Variants in WDR49 observed in about 807,000 individuals in gnomAD.
WDR49 encodes cilia- and flagella-associated protein 337.
Under a neutral mutation model 119.5 loss-of-function variants are expected in WDR49, and 107 were observed. That is an observed-to-expected ratio of 0.90 (90% CI 0.77 to 1.05). The LOEUF is 1.05. Ranked by LOEUF, WDR49 falls within the 50% of genes least tolerant of loss-of-function variation. The pLI is 0.00. For missense variants in WDR49, 1,240 were observed against 1,220.5 expected (o/e 1.02, Z -0.24); for synonymous variants, 425 against 418.8 (o/e 1.01, Z -0.18).
chr3:167,621,597 A>G lies in WDR49; in HGVS notation c.653T>C (p.Leu218Pro). 6.5e-7 allele frequency: 1 copy of G among 1,535,014 alleles called. No individual in the cohort carries two copies. The highest frequency in any genetic ancestry group is 8.7e-7 in the Non-Finnish European group (1 of 1,146,216). ...TSKEVCFYDLLSKEEFACQYK... is the reference protein window; with the variant it reads ...TSKEVCFYDLPSKEEFACQYK... The stretch of plus-strand genomic sequence containing the variant: ...TTGGCAAGCAAATTCTTCTTTGGAC[A>G]GCAGATCATAGAAACAAACCTCTTT... The change falls in exon 4 of 19, where the codon CTG becomes CCG. Residue 218 changes from leucine to proline, a missense_variant. Coordinates refer to ENST00000682715, the MANE Select transcript of WDR49 (RefSeq NM_001366157.1).
chr3:167,596,588 G>T (rs564416454), intron 7 of WDR49, among the ~76,000 whole-genome samples: 5 of 149,398 alleles, frequency 3.3e-5, no homozygotes, highest in African/African-American at 9.9e-5. Context: ...GATGAAATTG[G>T]AAATCATCAT....
intron 18 of WDR49, among the ~76,000 whole-genome samples, chr3:167,495,564 A>T (rs1751322220): frequency 8.9e-6 from 1 of 111,740 alleles, no homozygotes; most frequent in Admixed American, 7.9e-5. Flanking sequence ...ATAATTAAAC[A>T]GTCTAACATA....
chr3:167,585,249 A>T (rs553095446), intron 7 of WDR49, among the ~76,000 whole-genome samples: 2 of 152,156 alleles, frequency 1.3e-5, no homozygotes, highest in Non-Finnish European at 2.9e-5. Context: ...AGACACTTTC[A>T]TATACCCCTG....
intron 2 of WDR49, among the ~76,000 whole-genome samples, chr3:167,633,861 G>A (rs1052875593): frequency 3.9e-5 from 6 of 151,998 alleles, no homozygotes; most frequent in African/African-American, 1.4e-4. Flanking sequence ...TCTGTATGAA[G>A]GCCATCTTCT....
chr3:167,486,339 A>AT (rs1201252335), intron 18 of WDR49, among the ~76,000 whole-genome samples: 1 of 152,156 alleles, frequency 6.6e-6, no homozygotes, highest in Non-Finnish European at 1.5e-5. Context: ...TAAAGCAACT[A>AT]TACAATCAAG....
At chr3:167,576,275 G>C (rs1405465375) in intron 7 of WDR49, 124 bp from the exon 8 acceptor site, 6 of 736,486 alleles carry the variant, frequency 8.1e-6, no homozygotes, top group Non-Finnish European at 1.1e-5. Flanking sequence ...TGCTATAATT[G>C]GTTCTCAATT....
chr3:167,578,808 C>G (rs767480153), intron 7 of WDR49, among the ~76,000 whole-genome samples: 6 of 152,112 alleles, frequency 3.9e-5, no homozygotes, highest in Non-Finnish European at 7.4e-5. Flanking sequence ...TTTTCACTTG[C>G]CTTGATGTCT....
chr3:167,494,391 T>C (rs1432672130), intron 18 of WDR49, among the ~76,000 whole-genome samples: 1 of 152,186 alleles, frequency 6.6e-6, no homozygotes, highest in Non-Finnish European at 1.5e-5. Flanking sequence ...CTTTCTTGTT[T>C]TAAACATTTC....
intron 10 of WDR49, among the ~76,000 whole-genome samples, chr3:167,549,796 A>G (rs1712440417): frequency 6.6e-6 from 1 of 152,168 alleles, no homozygotes; most frequent in African/African-American, 2.4e-5. Flanking sequence ...GGTATTGCCC[A>G]GGTTTTCTTC....
chr3:167,598,104 A>C (rs531106368), intron 7 of WDR49, among the ~76,000 whole-genome samples: 18 of 152,186 alleles, frequency 1.2e-4, no homozygotes, highest in African/African-American at 4.1e-4. Flanking sequence ...CAGGAGATCG[A>C]GACCATCTTG....
intron 11 of WDR49, among the ~76,000 whole-genome samples, chr3:167,533,618 A>C (rs1281474698): frequency 6.6e-6 from 1 of 152,020 alleles, no homozygotes; most frequent in African/African-American, 2.4e-5. Context: ...TCTTTATTGA[A>C]TATTGTCTTC....
At chr3:167,572,681 A>C (rs1276358849) in intron 8 of WDR49, among the ~76,000 whole-genome samples, 1 of 152,240 alleles carries the variant, frequency 6.6e-6, no homozygotes, top group Admixed American at 6.5e-5. Flanking sequence ...TTCCCCTCAC[A>C]CCAAAAACAT....
chr3:167,593,449 T>C (rs1167700515), intron 7 of WDR49, among the ~76,000 whole-genome samples: 1 of 151,898 alleles, frequency 6.6e-6, no homozygotes, highest in Non-Finnish European at 1.5e-5. Flanking sequence ...TTCTGCTTGA[T>C]TTTTTTAACA....
rs760678533 is a variant in WDR49, at chr3:167,598,434, GT to G, written c.1275+3692del. ...TCATCTCAAATTGTAATCCCCATGT[GT>G]CGAGGTAGGGAGGTGATTCGATCAT... On this transcript the variant is annotated intron_variant, in intron 7 of 18. Coordinates refer to ENST00000682715, the MANE Select transcript of WDR49 (RefSeq NM_001366157.1). Among the ~76,000 whole-genome samples the G allele has an allele frequency of 6.0e-4, 92 of 152,298 alleles. 1 individual carries two copies. Among genetic ancestry groups the G allele is most frequent in the Middle Eastern group, 3.4e-3 (1 of 294 alleles).
chr3:167,532,555 C>T (rs1752887975), intron 12 of WDR49, among the ~76,000 whole-genome samples: 1 of 151,846 alleles, frequency 6.6e-6, no homozygotes, highest in Non-Finnish European at 1.5e-5. Context: ...GGGTATCTAA[C>T]GTTCACTCTT....
At chr3:167,497,988 C>T (rs1011725518) in intron 18 of WDR49, among the ~76,000 whole-genome samples, 5 of 151,616 alleles carry the variant, frequency 3.3e-5, no homozygotes, top group South Asian at 2.1e-4. Context: ...AAAACAGGCA[C>T]GTGCTACCAT....
At chr3:167,656,068 C>G (rs1223160224), upstream of WDR49, among the ~76,000 whole-genome samples, 1 of 152,152 alleles carries the variant, frequency 6.6e-6, no homozygotes, top group Non-Finnish European at 1.5e-5. Flanking sequence ...AGTGTTCCAA[C>G]ACAGTGCTGT....
rs1577213162 is a variant in WDR49 at position 167,519,413 on chromosome 3, T to A, written c.2774+2902A>T. 2.6e-5 allele frequency among the ~76,000 whole-genome samples: 4 copies of A among 152,108 alleles called. No individual in the cohort carries two copies. The South Asian group carries it at 6.2e-4, about 24-fold the overall frequency. ...AAATGCCCATCAATGATAGACTGGATAAAGAAAATGTTACATATACACCAT... is the reference window on the plus strand; with the variant it reads ...AAATGCCCATCAATGATAGACTGGAAAAAGAAAATGTTACATATACACCAT... On this transcript the variant is annotated intron_variant, in intron 16 of 18. Transcript: ENST00000682715.
intron 8 of WDR49, among the ~76,000 whole-genome samples, chr3:167,568,574 A>T (rs1013701651): frequency 3.3e-5 from 5 of 152,126 alleles, no homozygotes; most frequent in Non-Finnish European, 7.4e-5. Flanking sequence ...ATTCATTTAT[A>T]TTGAAATGGC....
Sources: allele counts gnomAD v4.1 joint callset (sites outside exome capture counted in the v4.1 genomes callset), GRCh38; gene constraint gnomAD v4.1.1; transcripts MANE v1.5; gene names NCBI Gene and HGNC (gene_info 2026-07-23, HGNC 2026-07-21).